Variants in OTOG observed in about 807,000 individuals in gnomAD.
OTOG encodes otogelin.
In OTOG, 296 loss-of-function variants were observed where a neutral mutation model predicts 313.8. That is an observed-to-expected ratio of 0.94 (90% CI 0.86 to 1.04). OTOG has a LOEUF of 1.04. Ranked by LOEUF, OTOG falls within the 50% of genes least tolerant of loss-of-function variation. The pLI, the probability that OTOG is intolerant of heterozygous loss-of-function variation, is 0.00. For synonymous variants in OTOG, 1,533 were observed against 1,554.9 expected (o/e 0.99, Z 0.33); for missense variants, 3,948 against 3,840.1 (o/e 1.03, Z -0.74).
intron 30 of OTOG, among the ~76,000 whole-genome samples, chr11:17,599,119 TG>T (rs1853181844): frequency 1.3e-5 from 2 of 152,298 alleles, no homozygotes; most frequent in South Asian, 4.1e-4. Context: ...GGTGTGGTGC[TG>T]GGGATGACCA....
chr11:17,605,347 G>A (rs551835235), intron 32 of OTOG, among the ~76,000 whole-genome samples: 3 of 152,298 alleles, frequency 2.0e-5, no homozygotes, highest in Non-Finnish European at 4.4e-5. Flanking sequence ...TTGGATGAAG[G>A]GTTGCCAATG....
At chr11:17,582,771 CTGTT>C (rs1852701101) in intron 23 of OTOG, among the ~76,000 whole-genome samples, 1 of 152,110 alleles carries the variant, frequency 6.6e-6, no homozygotes, top group Non-Finnish European at 1.5e-5. Flanking sequence ...TGTGAAGTGT[CTGTT>C]CTGGTCTTTT....
chr11:17,577,829 T>A (rs1240283823), intron 22 of OTOG, among the ~76,000 whole-genome samples: 1 of 152,164 alleles, frequency 6.6e-6, no homozygotes, highest in Non-Finnish European at 1.5e-5. Flanking sequence ...GCAGTGTGAA[T>A]GTGCGGGGCA....
intron 35 of OTOG, among the ~76,000 whole-genome samples, 173 bp downstream of exon 35, chr11:17,609,382 C>T (rs1853468085): frequency 1.3e-5 from 2 of 152,124 alleles, no homozygotes; most frequent in Non-Finnish European, 2.9e-5. Flanking sequence ...GTCTATTCGC[C>T]CCATTTCACA....
At position 17,578,493 on chromosome 11, in the gene OTOG, G is replaced by A; in HGVS notation, c.2726G>A (p.Gly909Asp). Residue 909 changes from glycine to aspartate, a missense_variant, in exon 23 of 56, where the codon GGC becomes GAC. Coordinates refer to ENST00000399397, the MANE Select transcript of OTOG (RefSeq NM_001292063.2). ...CTGAACCTGAGCGTGTCAGCCCGTG[G>A]CCCCTGCCTCTCGGGCTGCGCCTGT... ...QLLNLSVSAR[G>D]PCLSGCACPQ... The A allele has an allele frequency of 6.5e-7, 1 of 1,539,304 alleles. No individual in the cohort carries two copies. Among genetic ancestry groups the A allele is most frequent in the South Asian group, 1.2e-5 (1 of 83,980 alleles).
chr11:17,611,088 G>A lies in OTOG; in HGVS notation c.5788G>A (p.Gly1930Arg), dbSNP rs1229098865. The change falls in exon 36 of 56, where the codon GGG becomes AGG. Residue 1930 changes from glycine (G) to arginine (R), a missense_variant. Gly to Arg is a moderately radical substitution (Grantham distance 125). Transcript: ENST00000399397. ...PTSMYGSAEGGPTELTPATSH... is the reference protein window; with the variant it reads ...PTSMYGSAEGRPTELTPATSH... ...TTCCATGTATGGTTCTGCAGAGGGT[G>A]GGCCCACAGAGCTCACGCCTGCTAC... is the stretch of plus-strand genomic sequence containing the variant. The A allele has an allele frequency of 4.5e-6, 7 of 1,550,412 alleles. No individual in the cohort carries two copies. In the African/African-American group the frequency reaches 5.5e-5, roughly 12 times the overall value.
chr11:17,562,588 C>G (rs11024322), intron 15 of OTOG, among the ~76,000 whole-genome samples: 1 of 151,980 alleles, frequency 6.6e-6, no homozygotes, highest in South Asian at 2.1e-4. Flanking sequence ...AAATTCCAAA[C>G]TATTTACTGA....
intron 47 of OTOG, among the ~76,000 whole-genome samples, chr11:17,637,682 A>G (rs1478507947): frequency 6.6e-6 from 1 of 152,176 alleles, no homozygotes. Flanking sequence ...GATTAGGGTG[A>G]TGACCGTAAT....
At chr11:17,645,265 G>A (rs1848049824) in intron 54 of OTOG, among the ~76,000 whole-genome samples, 1 of 152,190 alleles carries the variant, frequency 6.6e-6, no homozygotes, top group African/African-American at 2.4e-5. Flanking sequence ...GGGGTGGGGA[G>A]GCAGCCTCAC....
rs548749574 is a variant in OTOG at position 17,573,801 on chromosome 11, T to C, written c.2293+511T>C. Among the ~76,000 whole-genome samples the C allele has an allele frequency of 2.6e-5, 4 of 152,264 alleles. 1 individual carries two copies. In the East Asian group the frequency reaches 7.7e-4, roughly 29 times the overall value. On this transcript the variant is annotated intron_variant, in intron 19 of 55. Transcript: ENST00000399397. The stretch of plus-strand genomic sequence containing the variant: ...ACTCTCAGTAAGCTTTTAGCAAATG[T>C]TTGTTGAATAAATGAAAAAGGCACT...
chr11:17,577,403 G>A (rs550263419), intron 22 of OTOG, among the ~76,000 whole-genome samples: 2 of 152,230 alleles, frequency 1.3e-5, no homozygotes, highest in South Asian at 4.1e-4. Flanking sequence ...ACCTTTGAGA[G>A]GCTGTGAGGT....
chr11:17,600,051 G>C (rs1276314364), intron 31 of OTOG, among the ~76,000 whole-genome samples: 2 of 152,230 alleles, frequency 1.3e-5, no homozygotes, highest in Non-Finnish European at 1.5e-5. Flanking sequence ...CATCACCTTG[G>C]GTTCCCCGAA....
At position 17,593,141 on chromosome 11, in the gene OTOG, G is replaced by A. The variant is rs1852990535; in HGVS notation, c.3007-52G>A. 6 of 1,507,120 alleles carry A rather than the reference G, an allele frequency of 4.0e-6. No individual in the cohort carries two copies. The Admixed American group carries it at 8.2e-5, about 21-fold the overall frequency. The allele number at this position is 1,507,120 out of a possible 1,614,324, so 93.4% of individuals were successfully genotyped here. On this transcript the variant is annotated intron_variant, in intron 25 of 55. Transcript: ENST00000399397. Reference sequence around the variant, plus strand: ...TGTTCCTCCACCTCTGTACCTCTTGGCAGGATCTCCTTTCTCCCTTGTTTT... The same window carrying A: ...TGTTCCTCCACCTCTGTACCTCTTGACAGGATCTCCTTTCTCCCTTGTTTT...
Position 17,612,342 on chromosome 11 carries a change from G to C in OTOG, c.6292+12G>C. 1.3e-6 allele frequency: 2 copies of C among 1,519,068 alleles called. No homozygotes were observed. The highest frequency in any genetic ancestry group is 8.8e-7 in the Non-Finnish European group (1 of 1,136,022). 94.1% of individuals were successfully genotyped at this position (1,519,068 alleles called of 1,614,324 possible). On this transcript the variant is annotated intron_variant, in intron 37 of 55. Coordinates refer to ENST00000399397, the MANE Select transcript of OTOG (RefSeq NM_001292063.2). ...CTGGGAGTGTGCCTGTGAGTCATGG[G>C]ATCAGCGGAGCCTCCTGCATCCTCC...
chr11:17,604,887 A>T (rs1358166114), intron 32 of OTOG, among the ~76,000 whole-genome samples: 1 of 152,258 alleles, frequency 6.6e-6, no homozygotes, highest in African/African-American at 2.4e-5. Context: ...GATTATTAAC[A>T]TGGATGAAGC....
intron 7 of OTOG, among the ~76,000 whole-genome samples, chr11:17,556,488 T>C (rs564653668): frequency 6.6e-6 from 1 of 152,370 alleles, no homozygotes; most frequent in African/African-American, 2.4e-5. Context: ...CTTCCTGTAA[T>C]GACACTTCTC....
rs566899906 is a variant in OTOG, at chr11:17,579,129, C to T, written c.2759+603C>T. On this transcript the variant is annotated intron_variant, in intron 23 of 55. Transcript: ENST00000399397. Reference sequence around the variant, plus strand: ...CCAGGGCCTGACACCCAGCTCTGCCCATTCTCATTCCCAGGTCTGGGCTGA... The same window carrying T: ...CCAGGGCCTGACACCCAGCTCTGCCTATTCTCATTCCCAGGTCTGGGCTGA... Among the ~76,000 whole-genome samples the T allele has an allele frequency of 5.3e-5, 8 of 152,308 alleles. No homozygotes were observed. The South Asian group carries it at 1.2e-3, about 24-fold the overall frequency.
intron 19 of OTOG, among the ~76,000 whole-genome samples, chr11:17,574,007 A>G (rs740324): frequency 0.052 from 7,954 of 152,252 alleles, 273 homozygotes; most frequent in African/African-American, 0.092. Context: ...AGATTCACAC[A>G]TCTGGGCCAC....
chr11:17,622,966 T>C (rs11826008), intron 39 of OTOG, among the ~76,000 whole-genome samples: 4,248 of 152,268 alleles, frequency 0.028, 205 homozygotes, highest in African/African-American at 0.097. Context: ...CCACCAAAAG[T>C]GTGAGGGTTC....
Sources: gnomAD v4.1 joint callset for allele counts (sites outside exome capture counted in the v4.1 genomes callset) on GRCh38, gnomAD v4.1.1 for gene constraint, MANE v1.5 for transcripts, NCBI Gene and HGNC (gene_info 2026-07-23, HGNC 2026-07-21) for gene names.